STK33: variants seen among roughly 807,000 people sequenced by gnomAD.
STK33 encodes the protein serine/threonine kinase 33.
A neutral mutation model predicts 58.0 loss-of-function variants in STK33; 52 were observed. That is an observed-to-expected ratio of 0.90 (90% CI 0.72 to 1.13). STK33 has a LOEUF of 1.13. Ranked by LOEUF, STK33 falls within the 50% of genes most tolerant of loss-of-function variation. STK33 has a pLI of 0.00. For synonymous variants in STK33, 215 were observed against 200.1 expected (o/e 1.07, Z -0.63); for missense variants, 630 against 604.2 (o/e 1.04, Z -0.45).
chr11:8,566,089 T>C (rs973969599), intron 1 of STK33, among the ~76,000 whole-genome samples: 3 of 152,240 alleles, frequency 2.0e-5, no homozygotes, highest in Admixed American at 1.3e-4. Flanking sequence ...AACTGATTAA[T>C]AACTTTATAC....
intron 15 of STK33, among the ~76,000 whole-genome samples, chr11:8,397,661 C>A (rs1393473925): frequency 2.0e-5 from 3 of 151,932 alleles, no homozygotes; most frequent in African/African-American, 7.3e-5. Context: ...TCAAACTACT[C>A]CGAGCTAAAG....
intron 14 of STK33, among the ~76,000 whole-genome samples, chr11:8,432,886 C>T (rs1324250598): frequency 6.6e-6 from 1 of 152,188 alleles, no homozygotes. Context: ...ACTTCTCTAT[C>T]CATTTGGCAA....
intron 15 of STK33, among the ~76,000 whole-genome samples, chr11:8,398,396 C>G (rs1320757997): frequency 6.6e-6 from 1 of 152,162 alleles, no homozygotes; most frequent in African/African-American, 2.4e-5. Flanking sequence ...AAATCCTTCA[C>G]AGACAAGCAA....
the STK33 span, among the ~76,000 whole-genome samples, chr11:8,369,812 C>T: frequency 2.1e-3 from 324 of 152,342 alleles, 2 homozygotes; most frequent in African/African-American, 7.4e-3. Flanking sequence ...CTCTGCACAG[C>T]TAAGGATTGG....
At chr11:8,509,299 G>C (rs1181474832) in intron 1 of STK33, among the ~76,000 whole-genome samples, 1 of 152,046 alleles carries the variant, frequency 6.6e-6, no homozygotes, top group Non-Finnish European at 1.5e-5. Flanking sequence ...TGTGACTATA[G>C]TCGACTCCCA....
intron 5 of STK33, 89 bp from the exon 6 acceptor site, chr11:8,473,365 C>G: frequency 1.3e-6 from 1 of 768,166 alleles, no homozygotes; most frequent in Non-Finnish European, 2.2e-6. Flanking sequence ...AATCTGATAA[C>G]TCTTTAACGT....
At chr11:8,475,562 G>A (rs555981475) in intron 4 of STK33, 2 of 152,200 alleles carry the variant, frequency 1.3e-5, no homozygotes, top group South Asian at 2.1e-4. Context: ...TGAATAATTC[G>A]ATTTTTAGAA....
At position 8,422,786 on chromosome 11, in the gene STK33, C is replaced by T. The variant is rs185943062; in HGVS notation, c.1147-9094G>A. Among the ~76,000 whole-genome samples, 167 of 152,030 alleles carry T rather than the reference C, an allele frequency of 1.1e-3. 2 individuals are homozygous for T. Among genetic ancestry groups the T allele is most frequent in the African/African-American group, 1.1e-3 (44 of 41,486 alleles). On this transcript the variant is annotated intron_variant, in intron 14 of 15. Coordinates refer to ENST00000687296, the MANE Select transcript of STK33 (RefSeq NM_001352389.2). ...ATCTTTGTAATCTCTCCTTTATCTACGGCTATATTCCCTTTTCCATATGTA... is the reference window on the plus strand; with the variant it reads ...ATCTTTGTAATCTCTCCTTTATCTATGGCTATATTCCCTTTTCCATATGTA...
At chr11:8,506,295 G>T (rs1019021440) in intron 1 of STK33, among the ~76,000 whole-genome samples, 3 of 152,172 alleles carry the variant, frequency 2.0e-5, no homozygotes, top group African/African-American at 7.2e-5. Context: ...TGAGGAGGTG[G>T]AAGGAAACTT....
At chr11:8,466,227 A>G (rs750984195) in intron 6 of STK33, 4 of 152,196 alleles carry the variant, frequency 2.6e-5, no homozygotes, top group Non-Finnish European at 5.9e-5. Context: ...ACAGTCCCCC[A>G]AAGTCTCAAC....
At chr11:8,404,582 T>C (rs1331549221) in intron 15 of STK33, among the ~76,000 whole-genome samples, 5 of 152,238 alleles carry the variant, frequency 3.3e-5, no homozygotes, top group Non-Finnish European at 7.3e-5. Flanking sequence ...TGAATTTTTA[T>C]TCAGATATTC....
chr11:8,562,629 C>G (rs574524540), intron 1 of STK33, among the ~76,000 whole-genome samples: 1 of 151,472 alleles, frequency 6.6e-6, no homozygotes, highest in Non-Finnish European at 1.5e-5. Context: ...TTTTTGTTTG[C>G]TTTTCATTCT....
chr11:8,532,925 A>G (rs530056450), intron 1 of STK33, among the ~76,000 whole-genome samples: 33 of 152,374 alleles, frequency 2.2e-4, no homozygotes, highest in African/African-American at 7.0e-4. Flanking sequence ...AGTTATTGCA[A>G]TAATATGCAA....
intron 1 of STK33, among the ~76,000 whole-genome samples, chr11:8,538,699 T>C (rs1168783193): frequency 1.3e-5 from 2 of 152,212 alleles, no homozygotes; most frequent in African/African-American, 4.8e-5. Context: ...ACAAGATGTG[T>C]TCTTTCCTAC....
the STK33 span, among the ~76,000 whole-genome samples, chr11:8,353,080 G>C: frequency 1.3e-5 from 2 of 152,344 alleles, no homozygotes; most frequent in East Asian, 3.9e-4. Flanking sequence ...TCTACCTGTG[G>C]CATCAGCACA....
At chr11:8,453,487 TACA>T (rs1477984645) in intron 10 of STK33, among the ~76,000 whole-genome samples, 1 of 152,196 alleles carries the variant, frequency 6.6e-6, no homozygotes, top group East Asian at 1.9e-4. Flanking sequence ...TATTAAAAAC[TACA>T]ACAAGCATAT....
intron 15 of STK33, among the ~76,000 whole-genome samples, chr11:8,394,359 C>G (rs181091893): frequency 1.3e-5 from 2 of 152,274 alleles, no homozygotes; most frequent in East Asian, 3.9e-4. Flanking sequence ...CATACAAATG[C>G]TATTAAAAGG....
chr11:8,418,745 A>G (rs1051297426), intron 14 of STK33, among the ~76,000 whole-genome samples: 2 of 152,054 alleles, frequency 1.3e-5, no homozygotes, highest in African/African-American at 4.8e-5. Context: ...CCACAACCTC[A>G]CCAGCATTTG....
At chr11:8,409,510 C>T (rs1369682293) in intron 15 of STK33, among the ~76,000 whole-genome samples, 2 of 152,104 alleles carry the variant, frequency 1.3e-5, no homozygotes, top group Admixed American at 6.5e-5. Flanking sequence ...AGTCACATGG[C>T]AAAGGATATG....
Sources: gnomAD v4.1 joint callset for allele counts (sites outside exome capture counted in the v4.1 genomes callset) on GRCh38, gnomAD v4.1.1 for gene constraint, MANE v1.5 for transcripts, NCBI Gene and HGNC (gene_info 2026-07-23, HGNC 2026-07-21) for gene names.